The following CA10 variants were observed in gnomAD, a reference collection of about 807,000 sequenced individuals.
CA10 encodes the protein carbonic anhydrase 10 (inactive).
CA10 carries 14 observed loss-of-function variants against 44.2 expected under a neutral mutation model. The observed-to-expected ratio is 0.32, with a 90% CI of 0.21 to 0.50. The LOEUF is 0.50. CA10 is among the 20% of genes least tolerant of loss of function. CA10 has a pLI of 0.99. For synonymous variants in CA10, 159 were observed against 141.6 expected (o/e 1.12, Z -0.87); for missense variants, 350 against 409.7 (o/e 0.85, Z 1.26).
chr17:51,869,097 T>C (rs919312477), intron 3 of CA10, among the ~76,000 whole-genome samples: 1 of 152,042 alleles, frequency 6.6e-6, no homozygotes, highest in African/African-American at 2.4e-5. Flanking sequence ...TTTTTATATA[T>C]AAATTATCAG....
chr17:51,985,595 A>T (rs1270778647), intron 2 of CA10, among the ~76,000 whole-genome samples: 1 of 151,910 alleles, frequency 6.6e-6, no homozygotes. Context: ...TGATATGATT[A>T]TATACCTAGA....
At chr17:52,079,059 C>T (rs936375225) in intron 1 of CA10, among the ~76,000 whole-genome samples, 8 of 151,898 alleles carry the variant, frequency 5.3e-5, no homozygotes, top group African/African-American at 1.9e-4. Flanking sequence ...GGCCGGGGCA[C>T]GCGGATCACG....
At chr17:52,008,661 CTT>C (rs1985684390) in intron 2 of CA10, among the ~76,000 whole-genome samples, 1 of 151,702 alleles carries the variant, frequency 6.6e-6, no homozygotes, top group African/African-American at 2.4e-5. Flanking sequence ...ACTTAGGAAA[CTT>C]TGAAAGATAA....
intron 3 of CA10, among the ~76,000 whole-genome samples, chr17:51,812,350 TA>T (rs1567847872): frequency 6.6e-6 from 1 of 152,232 alleles, no homozygotes; most frequent in East Asian, 1.9e-4. Flanking sequence ...ATGGTAGAGA[TA>T]GCATAAAATG....
intron 2 of CA10, among the ~76,000 whole-genome samples, chr17:52,071,109 C>T (rs1392427822): frequency 6.6e-6 from 1 of 152,174 alleles, no homozygotes; most frequent in East Asian, 1.9e-4. Flanking sequence ...TATTGTTTCA[C>T]ATGAACATAG....
intron 4 of CA10, among the ~76,000 whole-genome samples, chr17:51,683,890 T>C (rs574993847): frequency 1.3e-5 from 2 of 152,300 alleles, no homozygotes; most frequent in African/African-American, 4.8e-5. Context: ...GATCACTCTC[T>C]AGTGACTGAG....
chr17:52,149,937 C>A (rs1989668526), intron 1 of CA10, among the ~76,000 whole-genome samples: 1 of 152,180 alleles, frequency 6.6e-6, no homozygotes, highest in African/African-American at 2.4e-5. Context: ...AGATGCCTTT[C>A]ATGCACAGAG....
intron 3 of CA10, among the ~76,000 whole-genome samples, chr17:51,847,661 T>C (rs1978555012): frequency 6.6e-6 from 1 of 152,180 alleles, no homozygotes; most frequent in African/African-American, 2.4e-5. Flanking sequence ...CTTCTTATAA[T>C]GGCAGGAATC....
At chr17:51,802,808 A>T (rs1280365448) in intron 3 of CA10, among the ~76,000 whole-genome samples, 2 of 152,254 alleles carry the variant, frequency 1.3e-5, no homozygotes, top group Middle Eastern at 3.4e-3. Flanking sequence ...ATGATATCTA[A>T]CAGCCAACAG....
At chr17:51,827,009 A>G (rs1186692276) in intron 3 of CA10, among the ~76,000 whole-genome samples, 5 of 152,044 alleles carry the variant, frequency 3.3e-5, no homozygotes, top group African/African-American at 1.2e-4. Context: ...ATCATTTCCT[A>G]CTGGGACCCT....
intron 1 of CA10, among the ~76,000 whole-genome samples, chr17:52,136,535 A>G (rs938605313): frequency 2.4e-4 from 36 of 152,082 alleles, no homozygotes; most frequent in African/African-American, 8.2e-4. Flanking sequence ...AATCCTACGC[A>G]CCCTAACTAC....
At chr17:51,966,005 C>A (rs977548072) in intron 2 of CA10, among the ~76,000 whole-genome samples, 2 of 151,888 alleles carry the variant, frequency 1.3e-5, no homozygotes, top group African/African-American at 4.8e-5. Flanking sequence ...AACTGACAAA[C>A]AACTTCAGTA....
At chr17:51,757,545 C>A (rs1905109506) in intron 3 of CA10, among the ~76,000 whole-genome samples, 1 of 152,248 alleles carries the variant, frequency 6.6e-6, no homozygotes, top group Non-Finnish European at 1.5e-5. Flanking sequence ...TCCCCCTCCT[C>A]TTATTCTCTT....
intron 2 of CA10, among the ~76,000 whole-genome samples, chr17:52,048,679 G>A (rs1273955603): frequency 1.3e-5 from 2 of 151,976 alleles, no homozygotes; most frequent in Non-Finnish European, 2.9e-5. Context: ...ATCTGAATAT[G>A]CTGAGAGGCA....
chr17:51,668,867 G>T (rs1031094988), intron 4 of CA10, among the ~76,000 whole-genome samples: 1 of 152,210 alleles, frequency 6.6e-6, no homozygotes, highest in African/African-American at 2.4e-5. Context: ...CACTTGGAGC[G>T]GCCGGCCGGC....
At position 52,029,404 on chromosome 17, in the gene CA10, A is replaced by G. The variant is rs560087410; in HGVS notation, c.136+42915T>C. Among the ~76,000 whole-genome samples the G allele has an allele frequency of 2.6e-5, 4 of 152,270 alleles. 1 individual carries two copies. In the East Asian group the frequency reaches 7.7e-4, roughly 29 times the overall value. The stretch of plus-strand genomic sequence containing the variant: ...TCCTGATTCTAGAGCAAACACACTG[A>G]TTTAGATAGAGCACCATGTTTCTGA... On this transcript the variant is annotated intron_variant, in intron 2 of 8. Coordinates refer to ENST00000451037, the MANE Select transcript of CA10 (RefSeq NM_020178.5).
At chr17:52,135,947 A>G (rs540362266) in intron 1 of CA10, among the ~76,000 whole-genome samples, 2 of 152,264 alleles carry the variant, frequency 1.3e-5, no homozygotes, top group Non-Finnish European at 2.9e-5. Flanking sequence ...CACTGACTTT[A>G]TATCAGGTCC....
intron 1 of CA10, among the ~76,000 whole-genome samples, chr17:52,150,591 C>A (rs189551772): frequency 6.6e-6 from 1 of 152,176 alleles, no homozygotes; most frequent in East Asian, 1.9e-4. Flanking sequence ...ATGGATATAT[C>A]ATTTAGTTAA....
At chr17:51,811,430 C>A (rs1907362569) in intron 3 of CA10, among the ~76,000 whole-genome samples, 1 of 152,158 alleles carries the variant, frequency 6.6e-6, no homozygotes, top group South Asian at 2.1e-4. Flanking sequence ...CTAATGCTAT[C>A]CCTACTCCAG....
Sources: allele counts gnomAD v4.1 joint callset (sites outside exome capture counted in the v4.1 genomes callset), GRCh38; gene constraint gnomAD v4.1.1; transcripts MANE v1.5; gene names NCBI Gene and HGNC (gene_info 2026-07-23, HGNC 2026-07-21).